PAX7: variants seen among roughly 807,000 people sequenced by gnomAD.
The protein encoded by PAX7 is paired box 7.
A neutral mutation model predicts 50.7 loss-of-function variants in PAX7; 18 were observed. The observed-to-expected ratio is 0.36, with a 90% CI of 0.25 to 0.53. PAX7 has a LOEUF of 0.53. PAX7 is among the 20% of genes least tolerant of loss of function. PAX7 has a pLI of 0.93. For missense variants in PAX7, 644 were observed against 702.9 expected, an observed-to-expected ratio of 0.92 and a Z score of 0.95; for synonymous variants, 310 against 290.4, an observed-to-expected ratio of 1.07 and a Z score of -0.69.
chr1:18,649,386 G>A (rs1187426897), intron 4 of PAX7, among the ~76,000 whole-genome samples: 2 of 152,114 alleles, frequency 1.3e-5, no homozygotes, highest in African/African-American at 4.8e-5. Flanking sequence ...GAGGCACAGA[G>A]AGTTGATTAG....
In PAX7 at chr1:18,746,287, G is replaced by C. The variant is rs1931434765; in HGVS notation, c.*1358G>C. On this transcript the variant is annotated 3_prime_UTR_variant, in exon 9 of 9. Coordinates refer to ENST00000420770, the MANE Select transcript of PAX7 (RefSeq NM_001135254.2). ...AGCTGAGCTGAGGCAGATGTGACCA[G>C]TTTTCAAGCTACCAGCCCTGGGCAG... 1 of 230,252 alleles carries C rather than the reference G, an allele frequency of 4.3e-6. No homozygotes were observed. Among genetic ancestry groups the C allele is most frequent in the Non-Finnish European group, 8.6e-6 (1 of 116,122 alleles). The allele number at this position is 230,252 out of a possible 1,614,324, so 14.3% of individuals were successfully genotyped here.
intron 7 of PAX7, among the ~76,000 whole-genome samples, chr1:18,714,028 T>C (rs1478482102): frequency 6.6e-6 from 1 of 152,030 alleles, no homozygotes; most frequent in Non-Finnish European, 1.5e-5. Context: ...CTGGCCAGCA[T>C]GGTGAAACCC....
chr1:18,651,257 C>A (rs79380232), intron 4 of PAX7, among the ~76,000 whole-genome samples: 2,909 of 152,228 alleles, frequency 0.019, 73 homozygotes, highest in African/African-American at 0.065. Context: ...AATACATGAT[C>A]CCTAAAAGTC....
chr1:18,666,961 A>AG (rs5772815), intron 4 of PAX7, among the ~76,000 whole-genome samples: 33,210 of 151,978 alleles, frequency 0.22, 4,002 homozygotes, highest in Non-Finnish European at 0.27. Context: ...GGATAGGCTG[A>AG]GGGAGTGGGG....
chr1:18,736,817 G>T (rs1226590313), intron 8 of PAX7, among the ~76,000 whole-genome samples: 1 of 152,234 alleles, frequency 6.6e-6, no homozygotes, highest in Non-Finnish European at 1.5e-5. Context: ...CTTTAAATTA[G>T]TTCAAGTGAA....
chr1:18,636,421 T>C lies in PAX7; in HGVS notation c.586+50T>C, dbSNP rs776270789. 6.3e-7 allele frequency: 1 copy of C among 1,599,226 alleles called. No individual in the cohort carries two copies. The highest frequency in any genetic ancestry group is 1.7e-4 in the Middle Eastern group (1 of 5,972). ...GGCCCCAGCCCGGGTTTTCCCACGC[T>C]CCGGTGTGCGGGCCAGTGGTTCGCT... is the stretch of plus-strand genomic sequence containing the variant. On this transcript the variant is annotated intron_variant, in intron 4 of 8. Transcript: ENST00000420770. The surrounding 1 kb of genome is among the most constrained non-coding windows in gnomAD (Gnocchi z 5.1).
chr1:18,682,654 G>C (rs2088916388), intron 4 of PAX7, among the ~76,000 whole-genome samples: 1 of 152,134 alleles, frequency 6.6e-6, no homozygotes, highest in Non-Finnish European at 1.5e-5. Context: ...ACTCTGAGCT[G>C]CCACCCCCTC....
At chr1:18,651,433 T>A (rs1460258283) in intron 4 of PAX7, among the ~76,000 whole-genome samples, 1 of 152,240 alleles carries the variant, frequency 6.6e-6, no homozygotes, top group Non-Finnish European at 1.5e-5. Context: ...TTAACAATCC[T>A]TCTCTATCCC....
intron 7 of PAX7, among the ~76,000 whole-genome samples, chr1:18,721,217 G>C (rs1162811305): frequency 1.3e-5 from 2 of 152,170 alleles, no homozygotes; most frequent in East Asian, 3.9e-4. Flanking sequence ...TGCAGCGGTG[G>C]TGGGTCCCAG....
intron 7 of PAX7, among the ~76,000 whole-genome samples, chr1:18,727,731 G>T (rs1358597321): frequency 6.6e-6 from 1 of 152,196 alleles, no homozygotes; most frequent in African/African-American, 2.4e-5. Context: ...GGGCTTCGAG[G>T]GTGACAAATG....
intron 7 of PAX7, among the ~76,000 whole-genome samples, chr1:18,731,451 G>A (rs1429561237): frequency 6.6e-6 from 1 of 152,198 alleles, no homozygotes. Context: ...CTTACCGGCT[G>A]TGTGGTTGTG....
Position 18,700,729 on chromosome 1 carries a change from T to C in PAX7, c.863T>C (p.Leu288Pro), listed in dbSNP as rs761162863. Residue 288 changes from leucine to proline, a missense_variant, in exon 6 of 9, where the codon CTG (leucine) becomes CCG (proline). Leu to Pro is a moderately conservative substitution (Grantham distance 98, BLOSUM62 -3). Transcript: ENST00000420770. The surrounding 1 kb of genome is among the most constrained non-coding windows in gnomAD (Gnocchi z 4.8). ...CAGCTGGCGGCGTTCAACCACCTTC[T>C]GCCAGGAGGCTTCCCACCCACCGGC... ...ANQLAAFNHL[L>P]PGGFPPTGMP... 6.2e-7 allele frequency: 1 copy of C among 1,601,072 alleles called. No individual in the cohort carries two copies. Among genetic ancestry groups the C allele is most frequent in the South Asian group, 1.1e-5 (1 of 89,180 alleles).
At chr1:18,721,238 G>A (rs1245926380) in intron 7 of PAX7, among the ~76,000 whole-genome samples, 1 of 152,192 alleles carries the variant, frequency 6.6e-6, no homozygotes, top group African/African-American at 2.4e-5. Flanking sequence ...AGCGCTCAGA[G>A]CCCAGGGTGA....
intron 8 of PAX7, among the ~76,000 whole-genome samples, chr1:18,740,531 G>A (rs995672289): frequency 1.2e-4 from 18 of 152,344 alleles, no homozygotes; most frequent in African/African-American, 4.3e-4. Flanking sequence ...GCATGGGGCA[G>A]TTGAAAGAAA....
chr1:18,667,562 G>C (rs1196052803), intron 4 of PAX7, among the ~76,000 whole-genome samples: 1 of 152,118 alleles, frequency 6.6e-6, no homozygotes, highest in Admixed American at 6.5e-5. Flanking sequence ...ATCACAGAAG[G>C]TAGATAGTGG....
intron 7 of PAX7, among the ~76,000 whole-genome samples, chr1:18,707,415 C>CTTTTTTTTTTTTTTTT (rs60914648): frequency 1.1e-4 from 3 of 28,062 alleles, no homozygotes; most frequent in Admixed American, 5.1e-4. Flanking sequence ...TTTTTTCTTT[C>CTTTTTTTTTTTTTTTT]TTTTTTTTTT....
rs2088070881 is a variant in PAX7, at chr1:18,632,504, GGA to G, written c.85+821_85+822del. On this transcript the variant is annotated intron_variant, in intron 1 of 8. Coordinates refer to ENST00000420770, the MANE Select transcript of PAX7 (RefSeq NM_001135254.2). The surrounding 1 kb of genome is among the most constrained non-coding windows in gnomAD (Gnocchi z 6.3). The stretch of plus-strand genomic sequence containing the variant: ...GGAGAAAAGGCTGGGAGCGCACAGC[GGA>G]GAGACCCGCTCCTGTGTTTTTGTTC... Among the ~76,000 whole-genome samples, 1 of 152,186 alleles carries G rather than the reference GGA, an allele frequency of 6.6e-6. No individual in the cohort carries two copies.
At chr1:18,701,547 CA>C (rs139219511) in intron 6 of PAX7, among the ~76,000 whole-genome samples, 7,189 of 147,908 alleles carry the variant, frequency 0.049, 471 homozygotes, top group African/African-American at 0.15. Flanking sequence ...CAACCTATGA[CA>C]AAAAAAAAAT....
At chr1:18,675,677 T>C (rs1027275715) in intron 4 of PAX7, among the ~76,000 whole-genome samples, 19 of 152,364 alleles carry the variant, frequency 1.2e-4, no homozygotes, top group African/African-American at 4.3e-4. Flanking sequence ...GGCTGCTTTT[T>C]GTAAACAGCT....
Sources: gnomAD v4.1 joint callset for allele counts (sites outside exome capture counted in the v4.1 genomes callset) on GRCh38, gnomAD v4.1.1 for gene constraint, Gnocchi (gnomAD v3.1) non-coding constraint, MANE v1.5 for transcripts, NCBI Gene and HGNC (gene_info 2026-07-23, HGNC 2026-07-21) for gene names.